CRLF2: variants seen among roughly 807,000 people sequenced by gnomAD.
CRLF2 encodes the protein cytokine receptor-like factor 2.
A neutral mutation model predicts 38.7 loss-of-function variants in CRLF2; 41 were observed. The ratio of observed to expected loss-of-function variants is 1.06; its 90% CI spans 0.83 to 1.37. The LOEUF is 1.37. Ranked by LOEUF, CRLF2 falls within the 40% of genes most tolerant of loss-of-function variation. The pLI, the probability that CRLF2 is intolerant of heterozygous loss-of-function variation, is 0.00. For synonymous variants in CRLF2, 140 were observed against 128.8 expected, an observed-to-expected ratio of 1.09 and a Z score of -0.59; for missense variants, 377 against 322.2, an observed-to-expected ratio of 1.17 and a Z score of -1.30.
intron 7 of CRLF2, among the ~76,000 whole-genome samples, 168 bp from the exon 8 acceptor site, chrX:1,191,328 T>TC (rs1556415504): frequency 3.6e-5 from 4 of 111,802 alleles, no homozygotes; most frequent in South Asian, 3.4e-4. Context: ...TTTCTTTCTT[T>TC]CTTTCTTTCT....
At chrX:1,197,635 G>A (rs1284871785) in intron 5 of CRLF2, among the ~76,000 whole-genome samples, 1 of 151,790 alleles carries the variant, frequency 6.6e-6, no homozygotes, top group Non-Finnish European at 1.5e-5. Flanking sequence ...CCAATATGGG[G>A]AAACGCCATC....
chrX:1,194,741 G>A (rs1253675365), intron 6 of CRLF2, among the ~76,000 whole-genome samples: 1 of 151,976 alleles, frequency 6.6e-6, no homozygotes, highest in Non-Finnish European at 1.5e-5. Flanking sequence ...TTTATAAGAA[G>A]AGAAGGTTGG....
intron 6 of CRLF2, 149 bp from the exon 7 acceptor site, chrX:1,193,451 C>T: frequency 2.5e-6 from 1 of 395,470 alleles, no homozygotes; most frequent in East Asian, 3.6e-5. Flanking sequence ...CCTCCCGCTC[C>T]CCAGGGACCC....
At chrX:1,194,850 G>A (rs1474534824) in intron 6 of CRLF2, among the ~76,000 whole-genome samples, 7 of 151,998 alleles carry the variant, frequency 4.6e-5, no homozygotes, top group Non-Finnish European at 7.4e-5. Context: ...TGGCCAACAC[G>A]GTGAAACCCC....
chrX:1,193,677 G>C (rs2086431998), intron 6 of CRLF2, among the ~76,000 whole-genome samples: 1 of 151,626 alleles, frequency 6.6e-6, no homozygotes, highest in South Asian at 2.1e-4. Flanking sequence ...AGCTACTCGG[G>C]AGGCTGAGGC....
intron 5 of CRLF2, among the ~76,000 whole-genome samples, chrX:1,197,134 C>T (rs1429842477): frequency 1.5e-5 from 2 of 134,370 alleles, no homozygotes; most frequent in African/African-American, 2.8e-5. Context: ...ACTCTGTTGC[C>T]CAGGCTGGAG....
intron 4 of CRLF2, among the ~76,000 whole-genome samples, chrX:1,199,358 G>A (rs1393857967): frequency 6.6e-6 from 1 of 151,898 alleles, no homozygotes. Context: ...AGGCTGGAGT[G>A]CAGTGGTGCG....
chrX:1,208,309 A>AGC (rs375810726), intron 2 of CRLF2, among the ~76,000 whole-genome samples: 2,009 of 152,258 alleles, frequency 0.013, 55 homozygotes, highest in African/African-American at 0.046. Context: ...CTGTCATCCC[A>AGC]GCACTTTGGG....
rs748577378 is a variant in CRLF2, at chrX:1,208,835, G to A, written c.153C>T (p.Tyr51=). Residue 51 remains tyrosine, a synonymous_variant, in exon 2 of 8, where the codon TAC becomes TAT. Coordinates refer to ENST00000400841, the MANE Select transcript of CRLF2 (RefSeq NM_022148.4). ...AGTGGAAAGTCAGGTTGGTCCTGGA[G>A]TATTTGCTGGCATTCCATGTCACCT... ...TVQVTWNASK[Y]SRTNLTFHYR... The A allele has an allele frequency of 2.5e-5, 40 of 1,611,648 alleles. No individual in the cohort carries two copies. The highest frequency in any genetic ancestry group is 3.1e-5 in the Non-Finnish European group (37 of 1,177,874).
intron 6 of CRLF2, among the ~76,000 whole-genome samples, chrX:1,196,086 G>A (rs2086469991): frequency 6.8e-6 from 1 of 148,052 alleles, no homozygotes; most frequent in African/African-American, 2.5e-5. Flanking sequence ...TCTTCATGTT[G>A]GCCAGGCTGG....
chrX:1,198,968 G>C (rs1301636623), intron 4 of CRLF2: 2 of 554,322 alleles, frequency 3.6e-6, no homozygotes, highest in African/African-American at 1.9e-5. Context: ...GGCCAACATG[G>C]AGAAACCCCG....
chrX:1,198,835 C>T, intron 4 of CRLF2, 111 bp from the exon 5 acceptor site: 1 of 1,091,484 alleles, frequency 9.2e-7, no homozygotes, highest in Non-Finnish European at 1.3e-6. Flanking sequence ...GGAGGGTTCA[C>T]AGTCTCGCTG....
intron 5 of CRLF2, among the ~76,000 whole-genome samples, chrX:1,197,117 G>C (rs1276719342): frequency 7.8e-6 from 1 of 128,704 alleles, no homozygotes; most frequent in Non-Finnish European, 1.6e-5. Context: ...TTTTGAGACA[G>C]AACCTCACTC....
chrX:1,192,850 G>C (rs1344793789), intron 7 of CRLF2, among the ~76,000 whole-genome samples: 1 of 135,094 alleles, frequency 7.4e-6, no homozygotes, highest in Non-Finnish European at 1.5e-5. Flanking sequence ...GTCTCACTCT[G>C]TCACCCAGGC....
Position 1,190,713 on chromosome X carries a change from G to A in CRLF2, c.*184C>T. 1 of 397,728 alleles carries A rather than the reference G, an allele frequency of 2.5e-6. No individual in the cohort carries two copies. 24.6% of individuals were successfully genotyped at this position (397,728 alleles called of 1,614,324 possible). A position where few individuals can be genotyped will look rare whatever the true frequency, so the allele number is the denominator to read the frequency against. On this transcript the variant is annotated 3_prime_UTR_variant, in exon 8 of 8. Coordinates refer to ENST00000400841, the MANE Select transcript of CRLF2 (RefSeq NM_022148.4). ...AGCCTTTGAACACAGAGACTCATGT[G>A]GGGGAAAGTTAGCAGGGCAGTGGCC...
chrX:1,196,920 C>T lies in CRLF2; in HGVS notation c.647-20G>A, dbSNP rs768939607. The T allele has an allele frequency of 1.0e-4, 168 of 1,609,958 alleles. No homozygotes were observed. In the South Asian group the frequency reaches 1.2e-3, roughly 11 times the overall value. On this transcript the variant is annotated intron_variant, in intron 5 of 7. Coordinates refer to ENST00000400841, the MANE Select transcript of CRLF2 (RefSeq NM_022148.4). ...AGGCATCTGAAACAAAATGAAAAGGCGGCTGTCAGTTTTCAACATGACGTG... is the reference window on the plus strand; with the variant it reads ...AGGCATCTGAAACAAAATGAAAAGGTGGCTGTCAGTTTTCAACATGACGTG...
intron 1 of CRLF2, among the ~76,000 whole-genome samples, chrX:1,209,409 G>A (rs2086754058): frequency 6.6e-6 from 1 of 151,428 alleles, no homozygotes. Context: ...TCGGCTCACT[G>A]CAAGCTCCGC....
chrX:1,202,906 C>T (rs770441080), intron 3 of CRLF2, among the ~76,000 whole-genome samples: 1 of 151,708 alleles, frequency 6.6e-6, no homozygotes, highest in African/African-American at 2.4e-5. Flanking sequence ...GTCAGGAGTT[C>T]GAGACCAGCC....
At chrX:1,192,971 G>A (rs1197639075) in intron 7 of CRLF2, among the ~76,000 whole-genome samples, 3 of 151,362 alleles carry the variant, frequency 2.0e-5, no homozygotes, top group African/African-American at 2.4e-5. Context: ...GAGCCAGCAC[G>A]CCCGGCTAAT....
Sources: allele counts gnomAD v4.1 joint callset (sites outside exome capture counted in the v4.1 genomes callset), GRCh38; gene constraint gnomAD v4.1.1; transcripts MANE v1.5; gene names NCBI Gene and HGNC (gene_info 2026-07-23, HGNC 2026-07-21).